Variants in BLTP1 observed in about 807,000 individuals in gnomAD.
BLTP1 encodes the protein bridge-like lipid transfer protein family member 1.
chr4:122,270,527 T>A, the BLTP1 span: 21 of 209,858 alleles, frequency 1.0e-4, no homozygotes, highest in Middle Eastern at 7.0e-3. Flanking sequence ...GTTTTGTGTG[T>A]ATTTCTAATT....
chr4:122,298,195 A>G, the BLTP1 span: 1 of 852,440 alleles, frequency 1.2e-6, no homozygotes, highest in East Asian at 1.2e-4. Flanking sequence ...AATTGAATAA[A>G]TAGATAAGAC....
chr4:122,350,906 A>C, the BLTP1 span, among the ~76,000 whole-genome samples: 1 of 152,192 alleles, frequency 6.6e-6, no homozygotes, highest in Non-Finnish European at 1.5e-5. Flanking sequence ...GGTCTACTAC[A>C]GGTAAGATTT....
At chr4:122,337,875 A>G in the BLTP1 span, among the ~76,000 whole-genome samples, 1 of 148,364 alleles carries the variant, frequency 6.7e-6, no homozygotes, top group East Asian at 1.9e-4. Context: ...ATATAATAAA[A>G]TATATATTAG....
the BLTP1 span, among the ~76,000 whole-genome samples, chr4:122,153,468 A>G: frequency 6.6e-6 from 1 of 152,224 alleles, no homozygotes; most frequent in Non-Finnish European, 1.5e-5. Flanking sequence ...CCTATAATGT[A>G]AAGTCTACTA....
the BLTP1 span, chr4:122,186,302 C>G: frequency 5.8e-6 from 6 of 1,028,776 alleles, 1 homozygote; most frequent in East Asian, 1.8e-4. Flanking sequence ...AGGCTATGCA[C>G]CTAAACAGAG....
chr4:122,178,499 T>C, the BLTP1 span, among the ~76,000 whole-genome samples: 1 of 152,224 alleles, frequency 6.6e-6, no homozygotes, highest in Admixed American at 6.5e-5. Flanking sequence ...TTGCTGGGCA[T>C]GTACGACAGA....
chr4:122,199,602 A>G, the BLTP1 span: 2 of 626,812 alleles, frequency 3.2e-6, no homozygotes, highest in Admixed American at 2.8e-5. Flanking sequence ...TCCCAGTGCT[A>G]TGGACTCCTG....
the BLTP1 span, among the ~76,000 whole-genome samples, chr4:122,171,557 G>A: frequency 6.6e-6 from 1 of 151,772 alleles, no homozygotes; most frequent in Admixed American, 6.6e-5. Flanking sequence ...GCTTTATGAA[G>A]GTAGGTTTTT....
the BLTP1 span, among the ~76,000 whole-genome samples, chr4:122,288,143 T>C: frequency 6.6e-6 from 1 of 152,152 alleles, no homozygotes; most frequent in South Asian, 2.1e-4. Flanking sequence ...CAAATTGGTT[T>C]ATTAACTAAT....
the BLTP1 span, chr4:122,328,098 A>C: frequency 6.6e-7 from 1 of 1,507,682 alleles, no homozygotes; most frequent in Admixed American, 1.9e-5. Context: ...TTCTTTTTAC[A>C]ATCAGTTTCC....
the BLTP1 span, chr4:122,318,274 A>C: frequency 6.2e-7 from 1 of 1,608,028 alleles, no homozygotes; most frequent in Non-Finnish European, 8.5e-7. Context: ...TATGCGGGTG[A>C]GTTCTCTTTT....
chr4:122,170,202 A>C, the BLTP1 span: 1 of 338,050 alleles, frequency 3.0e-6, no homozygotes, highest in Non-Finnish European at 4.1e-6. Flanking sequence ...GCTACGAGGT[A>C]GGCTGAGGCA....
chr4:122,244,940 C>T, the BLTP1 span: 13 of 1,504,412 alleles, frequency 8.6e-6, no homozygotes, highest in African/African-American at 1.4e-5. Context: ...GATGGTGCTA[C>T]GTTTCATGAT....
chr4:122,244,533 T>C, the BLTP1 span: 5 of 343,124 alleles, frequency 1.5e-5, no homozygotes, highest in Non-Finnish European at 2.0e-5. Flanking sequence ...TATAATAATA[T>C]TACAATAATA....
chr4:122,359,449 G>A, the BLTP1 span: 1 of 1,447,504 alleles, frequency 6.9e-7, no homozygotes, highest in Non-Finnish European at 9.2e-7. Flanking sequence ...GCAATTAAAT[G>A]AGGCTTTGGC....
chr4:122,273,473 G>A, the BLTP1 span: 83 of 972,366 alleles, frequency 8.5e-5, no homozygotes, highest in Non-Finnish European at 9.7e-5. Flanking sequence ...ATGCTCAGAT[G>A]TCTAAGTTGA....
At chr4:122,162,679 GA>G in the BLTP1 span, 2 of 980,756 alleles carry the variant, frequency 2.0e-6, no homozygotes, top group African/African-American at 3.6e-5. Flanking sequence ...TAAATGTTAA[GA>G]AAAATAGAAG....
chr4:122,360,956 A>G, the BLTP1 span, among the ~76,000 whole-genome samples: 1 of 152,160 alleles, frequency 6.6e-6, no homozygotes, highest in African/African-American at 2.4e-5. Flanking sequence ...GTGGTTTAAG[A>G]GCTCTGGCTG....
the BLTP1 span, chr4:122,250,862 T>A: frequency 1.2e-6 from 1 of 867,378 alleles, no homozygotes; most frequent in Non-Finnish European, 1.4e-6. Context: ...TAACAAAATT[T>A]AAGAGAAATC....
Sources: allele counts gnomAD v4.1 joint callset (sites outside exome capture counted in the v4.1 genomes callset), GRCh38; gene constraint gnomAD v4.1.1; transcripts MANE v1.5; gene names NCBI Gene and HGNC (gene_info 2026-07-23, HGNC 2026-07-21).